Variants in ADAMTSL1 observed in about 807,000 individuals in gnomAD.
ADAMTSL1 encodes ADAMTS like 1, also known as ADAMTS-like protein 1.
In ADAMTSL1, 126 loss-of-function variants were observed where a neutral mutation model predicts 201.8. The observed-to-expected ratio is 0.62, with a 90% CI of 0.54 to 0.72. The LOEUF (loss-of-function observed/expected upper bound fraction) is 0.72. Ranked by LOEUF, ADAMTSL1 falls within the 30% of genes least tolerant of loss-of-function variation. The pLI is 0.00. For missense variants in ADAMTSL1, 2,679 were observed against 2,277.8 expected (o/e 1.18, Z -3.59); for synonymous variants, 1,121 against 903.4 (o/e 1.24, Z -4.32).
At chr9:18,271,889 C>T (rs980225631) in intron 2 of ADAMTSL1, among the ~76,000 whole-genome samples, 6 of 152,054 alleles carry the variant, frequency 3.9e-5, no homozygotes, top group African/African-American at 1.2e-4. Flanking sequence ...GAGATGGTAT[C>T]TCATTGTGGT....
At chr9:18,778,609 T>C (rs1407474167) in intron 19 of ADAMTSL1, among the ~76,000 whole-genome samples, 1 of 152,224 alleles carries the variant, frequency 6.6e-6, no homozygotes, top group Non-Finnish European at 1.5e-5. Context: ...ACTTTGTACA[T>C]ATTTTGTCTC....
rs1014614361 is a variant in ADAMTSL1, at chr9:18,308,845, C to T, written c.207+144864C>T. On this transcript the variant is annotated intron_variant, in intron 2 of 29. Transcript: ENST00000680146. ...TCCCTAACTCATTTTATGAGGCCGG[C>T]ATCATCCTGAAACCAAACCTGGCAG... is the stretch of plus-strand genomic sequence containing the variant. Among the ~76,000 whole-genome samples, 20 of 152,260 alleles carry T rather than the reference C, an allele frequency of 1.3e-4. No individual in the cohort carries two copies. The East Asian group carries it at 2.9e-3, about 22-fold the overall frequency.
At chr9:18,003,999 A>C (rs1230271022) in intron 1 of ADAMTSL1, among the ~76,000 whole-genome samples, 4 of 152,104 alleles carry the variant, frequency 2.6e-5, no homozygotes, top group Non-Finnish European at 5.9e-5. Flanking sequence ...ATTAAGCTGT[A>C]GAATGTCAAT....
intron 1 of ADAMTSL1, among the ~76,000 whole-genome samples, chr9:18,499,798 GA>G (rs1288574249): frequency 6.6e-6 from 1 of 152,110 alleles, no homozygotes; most frequent in Non-Finnish European, 1.5e-5. Flanking sequence ...GTTGACATCT[GA>G]AAAACACTTC....
At chr9:18,415,098 C>G (rs886151926) in intron 2 of ADAMTSL1, among the ~76,000 whole-genome samples, 2 of 152,134 alleles carry the variant, frequency 1.3e-5, no homozygotes, top group Admixed American at 1.3e-4. Context: ...CAGAACAAAG[C>G]TTAAGAATGT....
Position 18,260,204 on chromosome 9 carries a change from C to T in ADAMTSL1, c.207+96223C>T, listed in dbSNP as rs1474478560. Among the ~76,000 whole-genome samples, 6 of 152,160 alleles carry T rather than the reference C, an allele frequency of 3.9e-5. No individual in the cohort carries two copies. In the East Asian group the frequency reaches 7.7e-4, roughly 20 times the overall value. ...CATGGATGGTAAAAATGGGGACTGG[C>T]CAATTAAAGCCCCCTGCTGAGTCTT... On this transcript the variant is annotated intron_variant, in intron 2 of 29. Coordinates refer to the ADAMTSL1 transcript ENST00000680146.
intron 1 of ADAMTSL1, among the ~76,000 whole-genome samples, chr9:18,495,035 A>G (rs1282742242): frequency 1.3e-5 from 2 of 152,240 alleles, no homozygotes; most frequent in African/African-American, 4.8e-5. Context: ...TGGTAGTACC[A>G]GAATTAAGTC....
chr9:17,945,975 T>TA (rs1052037936), intron 1 of ADAMTSL1, among the ~76,000 whole-genome samples: 8 of 151,144 alleles, frequency 5.3e-5, no homozygotes, highest in Admixed American at 2.6e-4. Context: ...ATAATAATAA[T>TA]AAAAAAAAGA....
At chr9:18,569,330 C>T (rs568348832) in intron 3 of ADAMTSL1, among the ~76,000 whole-genome samples, 3 of 152,226 alleles carry the variant, frequency 2.0e-5, no homozygotes, top group African/African-American at 7.2e-5. Context: ...AGAGCTCTGA[C>T]ACGGTTAGAA....
At chr9:18,904,165 G>T (rs35530664) in intron 26 of ADAMTSL1, among the ~76,000 whole-genome samples, 88,178 of 151,872 alleles carry the variant, frequency 0.58, 26,008 homozygotes, top group African/African-American at 0.67. Context: ...ACACTGTACT[G>T]CACAATAAAA....
chr9:18,249,324 GT>G (rs1831377655), intron 2 of ADAMTSL1, among the ~76,000 whole-genome samples: 1 of 152,128 alleles, frequency 6.6e-6, no homozygotes, highest in African/African-American at 2.4e-5. Flanking sequence ...ATTTTTAATG[GT>G]TTGAGTCTCA....
intron 4 of ADAMTSL1, among the ~76,000 whole-genome samples, chr9:18,591,020 A>T (rs1251695079): frequency 6.6e-6 from 1 of 152,198 alleles, no homozygotes; most frequent in Non-Finnish European, 1.5e-5. Flanking sequence ...TGGATGAAAT[A>T]TTCTGTAAAT....
chr9:18,596,650 A>G (rs1173474212), intron 4 of ADAMTSL1, among the ~76,000 whole-genome samples: 1 of 152,148 alleles, frequency 6.6e-6, no homozygotes, highest in Non-Finnish European at 1.5e-5. Flanking sequence ...AACCTATGTG[A>G]GGTGATATTG....
intron 14 of ADAMTSL1, among the ~76,000 whole-genome samples, chr9:18,708,956 G>A (rs897680389): frequency 2.0e-5 from 3 of 152,146 alleles, no homozygotes; most frequent in Non-Finnish European, 2.9e-5. Context: ...AGAAGATACT[G>A]ATTTAGAAAT....
intron 2 of ADAMTSL1, among the ~76,000 whole-genome samples, chr9:18,360,863 T>C (rs1307973565): frequency 2.0e-5 from 3 of 152,082 alleles, no homozygotes; most frequent in African/African-American, 7.2e-5. Context: ...CTTTTCATTT[T>C]CCCCCAGAAA....
At chr9:18,263,186 T>C (rs1055179275) in intron 2 of ADAMTSL1, among the ~76,000 whole-genome samples, 6 of 152,140 alleles carry the variant, frequency 3.9e-5, no homozygotes, top group Admixed American at 2.0e-4. Flanking sequence ...CATAACCACA[T>C]GATAGCACAT....
At chr9:18,522,204 C>T (rs1284651661) in intron 2 of ADAMTSL1, among the ~76,000 whole-genome samples, 2 of 152,052 alleles carry the variant, frequency 1.3e-5, no homozygotes, top group Non-Finnish European at 2.9e-5. Context: ...ATGCTCACTA[C>T]CTGGTGACAG....
intron 1 of ADAMTSL1, among the ~76,000 whole-genome samples, chr9:17,955,280 C>G (rs1325523821): frequency 2.6e-5 from 4 of 152,122 alleles, no homozygotes; most frequent in Non-Finnish European, 5.9e-5. Context: ...AGTGGCTCAT[C>G]TCTTCTGGGG....
rs797010685 is a variant in ADAMTSL1, at chr9:18,262,940, T to C, written c.207+98959T>C. Among the ~76,000 whole-genome samples the C allele has an allele frequency of 8.8e-4, 134 of 152,292 alleles. 1 individual carries two copies. The highest frequency in any genetic ancestry group is 2.6e-3 in the African/African-American group (110 of 41,566). On this transcript the variant is annotated intron_variant, in intron 2 of 29. Coordinates refer to the ADAMTSL1 transcript ENST00000680146. ...ACTAGTAAGTGAAATATAAGTAACA[T>C]AAACATCTGATTGATGAGTTAGTCT... is the stretch of plus-strand genomic sequence containing the variant.
Sources: gnomAD v4.1 joint callset for allele counts (sites outside exome capture counted in the v4.1 genomes callset) on GRCh38, gnomAD v4.1.1 for gene constraint, MANE v1.5 for transcripts, NCBI Gene and HGNC (gene_info 2026-07-23, HGNC 2026-07-21) for gene names.